The following SENP7 variants were observed in gnomAD, a reference collection of about 807,000 sequenced individuals.
SENP7 encodes the protein SUMO specific peptidase 7.
SENP7 carries 64 observed loss-of-function variants against 141.2 expected under a neutral mutation model. The ratio of observed to expected loss-of-function variants is 0.45; its 90% confidence interval spans 0.37 to 0.56. The LOEUF (loss-of-function observed/expected upper bound fraction) is 0.56. Among genes scored for constraint, SENP7 ranks in the 20% least tolerant of loss-of-function variants. The pLI, the probability that SENP7 is intolerant of heterozygous loss-of-function variation, is 0.00. For missense variants in SENP7, 1,025 were observed against 1,212.2 expected, an observed-to-expected ratio of 0.85 and a Z score of 2.29; for synonymous variants, 382 against 426.4, an observed-to-expected ratio of 0.90 and a Z score of 1.28.
intron 4 of SENP7, among the ~76,000 whole-genome samples, chr3:101,420,435 A>T (rs2061757653): frequency 6.6e-6 from 1 of 152,252 alleles, no homozygotes; most frequent in Admixed American, 6.5e-5. Flanking sequence ...TAATCCTTGT[A>T]GAGAGGGGGA....
chr3:101,471,252 T>C (rs1281822432), intron 3 of SENP7, among the ~76,000 whole-genome samples: 1 of 152,126 alleles, frequency 6.6e-6, no homozygotes, highest in Non-Finnish European at 1.5e-5. Flanking sequence ...CTTCAAACTA[T>C]ACTACAAGGC....
chr3:101,464,270 A>G (rs574787366), intron 3 of SENP7, among the ~76,000 whole-genome samples: 1 of 152,306 alleles, frequency 6.6e-6, no homozygotes, highest in East Asian at 1.9e-4. Context: ...AACATGACCA[A>G]ATTTTAAAAA....
chr3:101,372,210 A>T (rs2060201562), intron 6 of SENP7, 84 bp from the exon 7 acceptor site: 2 of 612,286 alleles, frequency 3.3e-6, no homozygotes, highest in Non-Finnish European at 5.4e-6. Context: ...TAAAAATCCA[A>T]CACATTACAA....
At chr3:101,441,838 C>T (rs2062686558) in intron 4 of SENP7, among the ~76,000 whole-genome samples, 1 of 152,102 alleles carries the variant, frequency 6.6e-6, no homozygotes, top group East Asian at 1.9e-4. Flanking sequence ...CCACAGTCTC[C>T]GTTAGAAACC....
intron 23 of SENP7, 86 bp from the exon 24 acceptor site, chr3:101,326,166 T>C (rs1559670419): frequency 6.4e-6 from 7 of 1,101,882 alleles, no homozygotes; most frequent in Non-Finnish European, 8.7e-6. Context: ...AAATGACAAA[T>C]TGCTAACTTT....
chr3:101,360,212 C>T (rs1018338080), intron 11 of SENP7, among the ~76,000 whole-genome samples: 9 of 152,116 alleles, frequency 5.9e-5, no homozygotes, highest in South Asian at 2.1e-4. Context: ...CTTGAGCTTT[C>T]GAAGCAATGG....
intron 13 of SENP7, among the ~76,000 whole-genome samples, chr3:101,345,684 A>C (rs2059437663): frequency 1.3e-5 from 2 of 152,228 alleles, no homozygotes; most frequent in South Asian, 2.1e-4. Context: ...CACCTTATTC[A>C]ACAAATGGTG....
At chr3:101,337,430 T>G in intron 17 of SENP7, 79 bp downstream of exon 17, 1 of 1,057,824 alleles carries the variant, frequency 9.5e-7, no homozygotes. Flanking sequence ...GGAAATACTA[T>G]AAAGAAGCCA....
At chr3:101,339,825 T>C (rs1425459995) in intron 16 of SENP7, among the ~76,000 whole-genome samples, 1 of 151,864 alleles carries the variant, frequency 6.6e-6, no homozygotes, top group Non-Finnish European at 1.5e-5. Context: ...CATAATACAA[T>C]AGTTAAAGAA....
At chr3:101,463,378 T>TATATATATATACAC (rs1553744685) in intron 3 of SENP7, among the ~76,000 whole-genome samples, 9 of 84,410 alleles carry the variant, frequency 1.1e-4, no homozygotes, top group African/African-American at 3.7e-4. Flanking sequence ...TATATATATA[T>TATATATATATACAC]ATATATATAT....
chr3:101,362,120 G>T (rs1374793292), intron 10 of SENP7, among the ~76,000 whole-genome samples: 1 of 151,978 alleles, frequency 6.6e-6, no homozygotes, highest in Non-Finnish European at 1.5e-5. Context: ...ATACTCCTCT[G>T]TATCAAAGCC....
At chr3:101,337,726 A>T in intron 16 of SENP7, 95 bp from the exon 17 acceptor site, 1 of 1,088,464 alleles carries the variant, frequency 9.2e-7, no homozygotes, top group Non-Finnish European at 1.3e-6. Flanking sequence ...TTTATTTTTT[A>T]TCTATTTTGA....
At chr3:101,474,984 C>T (rs1301318896) in intron 3 of SENP7, among the ~76,000 whole-genome samples, 2 of 152,086 alleles carry the variant, frequency 1.3e-5, no homozygotes, top group African/African-American at 4.8e-5. Flanking sequence ...ACTCACTTCA[C>T]CTATAAAGAC....
chr3:101,332,652 TAA>T, intron 18 of SENP7, 116 bp downstream of exon 18: 1 of 565,822 alleles, frequency 1.8e-6, no homozygotes, highest in Non-Finnish European at 2.8e-6. Context: ...TTAAAAAAAT[TAA>T]AATAATACCT....
At chr3:101,376,329 C>T (rs1178680098) in intron 6 of SENP7, among the ~76,000 whole-genome samples, 1 of 152,006 alleles carries the variant, frequency 6.6e-6, no homozygotes, top group African/African-American at 2.4e-5. Flanking sequence ...GAACTGTACA[C>T]TTAAAAATGG....
At chr3:101,452,784 T>C (rs187465103) in intron 4 of SENP7, among the ~76,000 whole-genome samples, 1,956 of 152,118 alleles carry the variant, frequency 0.013, 34 homozygotes, top group African/African-American at 0.043. Flanking sequence ...CTAGGCAATA[T>C]CATTCAGGAC....
At chr3:101,406,553 C>A (rs2107610926) in intron 5 of SENP7, among the ~76,000 whole-genome samples, 1 of 149,894 alleles carries the variant, frequency 6.7e-6, no homozygotes, top group South Asian at 2.1e-4. Context: ...TGCACGTGTG[C>A]ACATGTACCC....
At chr3:101,409,854 A>C (rs917196495) in intron 5 of SENP7, among the ~76,000 whole-genome samples, 1 of 152,160 alleles carries the variant, frequency 6.6e-6, no homozygotes, top group Non-Finnish European at 1.5e-5. Flanking sequence ...CATTGGAAAA[A>C]CCCTTCTAGA....
chr3:101,473,901 A>G (rs777385388), intron 3 of SENP7, among the ~76,000 whole-genome samples: 1 of 152,138 alleles, frequency 6.6e-6, no homozygotes, highest in South Asian at 2.1e-4. Context: ...TCTCGAGCTA[A>G]TTTTTGTATA....
Sources: gnomAD v4.1 joint callset for allele counts (sites outside exome capture counted in the v4.1 genomes callset) on GRCh38, gnomAD v4.1.1 for gene constraint, MANE v1.5 for transcripts, NCBI Gene and HGNC (gene_info 2026-07-23, HGNC 2026-07-21) for gene names.